The following FCHSD2 variants were observed in gnomAD, a reference collection of about 807,000 sequenced individuals.
FCHSD2 encodes the protein F-BAR and double SH3 domains protein 2.
FCHSD2 carries 38 observed loss-of-function variants against 108.1 expected under a neutral mutation model. The ratio of observed to expected loss-of-function variants is 0.35; its 90% CI spans 0.27 to 0.46. The LOEUF (loss-of-function observed/expected upper bound fraction) is 0.46. FCHSD2 is among the 20% of genes least tolerant of loss of function. FCHSD2 has a pLI of 1.00. For missense variants in FCHSD2, 751 were observed against 897.8 expected (o/e 0.84, Z 2.09); for synonymous variants, 279 against 314.7 (o/e 0.89, Z 1.20).
chr11:72,992,787 CCTA>C (rs1275150165), intron 5 of FCHSD2, among the ~76,000 whole-genome samples: 3 of 152,140 alleles, frequency 2.0e-5, no homozygotes, highest in Non-Finnish European at 4.4e-5. Flanking sequence ...AAATGTTAGA[CCTA>C]AAACCATAAA....
At chr11:73,125,391 T>C (rs1009705561) in intron 2 of FCHSD2, among the ~76,000 whole-genome samples, 2 of 152,170 alleles carry the variant, frequency 1.3e-5, no homozygotes, top group Non-Finnish European at 2.9e-5. Context: ...TAACTCTAAG[T>C]AGACAGTGAT....
chr11:72,969,874 TACAC>T (rs1385840415), intron 8 of FCHSD2, among the ~76,000 whole-genome samples: 1 of 152,188 alleles, frequency 6.6e-6, no homozygotes, highest in Non-Finnish European at 1.5e-5. Context: ...CACGACCAAA[TACAC>T]ACAAGTGAGA....
At chr11:73,054,787 C>G (rs2135480392) in intron 3 of FCHSD2, among the ~76,000 whole-genome samples, 1 of 152,264 alleles carries the variant, frequency 6.6e-6, no homozygotes, top group East Asian at 1.9e-4. Context: ...GTGATCCCCC[C>G]CACCTCGGCC....
intron 3 of FCHSD2, among the ~76,000 whole-genome samples, chr11:73,030,687 A>G (rs1048651871): frequency 1.3e-5 from 2 of 152,224 alleles, no homozygotes; most frequent in Non-Finnish European, 2.9e-5. Flanking sequence ...TAGTACTGAC[A>G]TTTAAAAAAT....
At chr11:72,939,398 AC>A (rs1856368251) in intron 8 of FCHSD2, among the ~76,000 whole-genome samples, 1 of 152,132 alleles carries the variant, frequency 6.6e-6, no homozygotes, top group South Asian at 2.1e-4. Context: ...AAATTATTAA[AC>A]AAAAATTAAG....
At chr11:73,081,123 T>TG (rs1166747206) in intron 3 of FCHSD2, among the ~76,000 whole-genome samples, 1 of 152,144 alleles carries the variant, frequency 6.6e-6, no homozygotes, top group African/African-American at 2.4e-5. Context: ...ATAATAAACA[T>TG]GTCCTATTTA....
At chr11:73,056,165 C>T (rs1245569035) in intron 3 of FCHSD2, among the ~76,000 whole-genome samples, 1 of 152,116 alleles carries the variant, frequency 6.6e-6, no homozygotes, top group East Asian at 1.9e-4. Flanking sequence ...AGCAGATGTC[C>T]ATTATACATT....
At chr11:72,843,612 G>GTTAGATAAGGAGCAGATGTGAGCT (rs1861034265) in intron 14 of FCHSD2, 80 bp from the exon 15 acceptor site, 2 of 861,860 alleles carry the variant, frequency 2.3e-6, no homozygotes, top group Non-Finnish European at 3.8e-6. Context: ...CAAAAACTGG[G>GTTAGATAAGGAGCAGATGTGAGCT]GATCAAAATA....
intron 8 of FCHSD2, among the ~76,000 whole-genome samples, chr11:72,924,779 A>C (rs529459283): frequency 6.6e-6 from 1 of 151,674 alleles, no homozygotes; most frequent in Non-Finnish European, 1.5e-5. Flanking sequence ...GACACCATTG[A>C]GCACTTCAAA....
intron 13 of FCHSD2, among the ~76,000 whole-genome samples, chr11:72,857,500 G>A (rs1861456771): frequency 6.8e-6 from 1 of 147,466 alleles, no homozygotes; most frequent in Non-Finnish European, 1.5e-5. Flanking sequence ...GTGCAATGGT[G>A]TGATCTCGGC....
At position 72,837,906 on chromosome 11, in the gene FCHSD2, A is replaced by AT. The variant is rs760771712; in HGVS notation, c.*884dup. On this transcript the variant is annotated 3_prime_UTR_variant, in exon 20 of 20. Coordinates refer to ENST00000409418, the MANE Select transcript of FCHSD2 (RefSeq NM_014824.3). ...AGTAGAGAAGCTCAACAATGCAGGT[A>AT]TGTGTCCTCAACTTATCTAGACATT... is the stretch of plus-strand genomic sequence containing the variant. 1 of 152,246 alleles carries AT rather than the reference A, an allele frequency of 6.6e-6. No homozygotes were observed. Among genetic ancestry groups the AT allele is most frequent in the Non-Finnish European group, 1.5e-5 (1 of 68,044 alleles). The allele number at this position is 152,246 out of a possible 1,614,324, so 9.4% of individuals were successfully genotyped here. A position where few individuals can be genotyped will look rare whatever the true frequency, so the allele number is the denominator to read the frequency against.
At chr11:73,003,904 C>T (rs1289850481) in intron 4 of FCHSD2, among the ~76,000 whole-genome samples, 1 of 151,328 alleles carries the variant, frequency 6.6e-6, no homozygotes, top group Non-Finnish European at 1.5e-5. Flanking sequence ...GTCAGGAGTT[C>T]GTGACCAGCC....
At chr11:73,046,179 C>G (rs1858761310) in intron 3 of FCHSD2, among the ~76,000 whole-genome samples, 1 of 151,924 alleles carries the variant, frequency 6.6e-6, no homozygotes, top group South Asian at 2.1e-4. Flanking sequence ...TTTGTAAAGA[C>G]AGGGGTCTTG....
intron 3 of FCHSD2, among the ~76,000 whole-genome samples, chr11:73,054,262 T>C (rs1858969439): frequency 6.6e-6 from 1 of 152,076 alleles, no homozygotes; most frequent in Non-Finnish European, 1.5e-5. Context: ...CTCTGGATGG[T>C]TGAACATAAC....
intron 2 of FCHSD2, among the ~76,000 whole-genome samples, chr11:73,115,134 T>G (rs539709326): frequency 6.6e-6 from 1 of 152,364 alleles, no homozygotes; most frequent in South Asian, 2.1e-4. Context: ...TGACTATGGC[T>G]GGCCTAAATG....
chr11:72,923,059 G>A (rs1251686855), intron 8 of FCHSD2, among the ~76,000 whole-genome samples: 1 of 152,030 alleles, frequency 6.6e-6, no homozygotes, highest in African/African-American at 2.4e-5. Context: ...GACTTTTGGT[G>A]CCTGGCTTCT....
At chr11:72,845,227 C>A (rs1462119014) in intron 14 of FCHSD2, among the ~76,000 whole-genome samples, 3 of 151,962 alleles carry the variant, frequency 2.0e-5, no homozygotes, top group South Asian at 2.1e-4. Flanking sequence ...TTGAGACCGG[C>A]CTGGGCAACA....
chr11:72,871,242 T>G (rs748484057), intron 12 of FCHSD2, among the ~76,000 whole-genome samples: 21 of 152,102 alleles, frequency 1.4e-4, no homozygotes, highest in Non-Finnish European at 2.8e-4. Context: ...TCCTCCAAAC[T>G]CTAAAAACCA....
intron 9 of FCHSD2, among the ~76,000 whole-genome samples, chr11:72,916,606 T>G (rs116085316): frequency 0.02 from 3,045 of 152,264 alleles, 86 homozygotes; most frequent in African/African-American, 0.069. Flanking sequence ...TGAGCCACTG[T>G]GCCCAGCCTC....
Sources: allele counts gnomAD v4.1 joint callset (sites outside exome capture counted in the v4.1 genomes callset), GRCh38; gene constraint gnomAD v4.1.1; transcripts MANE v1.5; gene names NCBI Gene and HGNC (gene_info 2026-07-23, HGNC 2026-07-21).